The following THAP12 variants were observed in gnomAD, a reference collection of about 807,000 sequenced individuals.
The protein encoded by THAP12 is THAP domain containing 12.
A neutral mutation model predicts 63.0 loss-of-function variants in THAP12; 20 were observed. The ratio of observed to expected loss-of-function variants is 0.32; its 90% CI spans 0.22 to 0.46. The LOEUF (loss-of-function observed/expected upper bound fraction) is 0.46. Ranked by LOEUF, THAP12 falls within the 20% of genes least tolerant of loss-of-function variation. The probability of loss-of-function intolerance (pLI) is 1.00; values close to 1 mark genes in which losing one functional copy is unlikely to be tolerated. For synonymous variants in THAP12, 264 were observed against 328.4 expected (o/e 0.80, Z 2.12); for missense variants, 568 against 908.2 (o/e 0.63, Z 4.81).
At chr11:76,372,001 T>C (rs565671855) in intron 1 of THAP12, among the ~76,000 whole-genome samples, 1 of 151,974 alleles carries the variant, frequency 6.6e-6, no homozygotes, top group South Asian at 2.1e-4. Flanking sequence ...TTAGTAGAGA[T>C]GGGGTTTCGC....
chr11:76,366,946 T>A (rs941343094), intron 1 of THAP12, among the ~76,000 whole-genome samples: 4 of 152,158 alleles, frequency 2.6e-5, no homozygotes, highest in Non-Finnish European at 4.4e-5. Flanking sequence ...AAGCACTTAT[T>A]ATGAGCCAGA....
chr11:76,380,786 G>T lies in THAP12; in HGVS notation c.51C>A (p.Ser17=). 6.8e-7 allele frequency: 1 copy of T among 1,467,780 alleles called. No homozygotes were observed. 90.9% of individuals were successfully genotyped at this position (1,467,780 alleles called of 1,614,324 possible). A position where few individuals can be genotyped will look rare whatever the true frequency, so the allele number is the denominator to read the frequency against. ...GCGGGAACCTGAAGAAGGCCAAGTC[G>T]GACTGCGTGCTCTTCCGCGTGCAGT... ...APNCTRKSTQ[S]DLAFFRFPRD... Residue 17 remains serine, a synonymous_variant, in exon 1 of 5, where the codon TCC becomes TCA. Transcript: ENST00000260045.
chr11:76,379,641 A>G (rs1946736348), intron 1 of THAP12, among the ~76,000 whole-genome samples: 1 of 152,192 alleles, frequency 6.6e-6, no homozygotes, highest in African/African-American at 2.4e-5. Flanking sequence ...CACTGTATTT[A>G]AAATAGCAAT....
In THAP12 at chr11:76,351,468, T is replaced by G; in HGVS notation, c.1682A>C (p.Gln561Pro). The change falls in exon 5 of 5, where the codon CAG (glutamine) becomes CCG (proline). Residue 561 changes from glutamine to proline, a missense_variant. Gln to Pro is a moderately conservative substitution (Grantham distance 76, BLOSUM62 -1). Coordinates refer to ENST00000260045, the MANE Select transcript of THAP12 (RefSeq NM_004705.4). Reference sequence around the variant, plus strand: ...GGTTAGCTGAGATTCCAAGTTACCCTGGTGAGCTCTGCGGAATTTCCCAGG... The same window carrying G: ...GGTTAGCTGAGATTCCAAGTTACCCGGGTGAGCTCTGCGGAATTTCCCAGG... Reference protein sequence around the residue: ...KLPGKFRRAHQGNLESQLTSE... With the variant: ...KLPGKFRRAHPGNLESQLTSE... The G allele has an allele frequency of 6.3e-7, 1 of 1,588,380 alleles. No homozygotes were observed.
chr11:76,363,293 TC>T (rs1310598187), intron 2 of THAP12, among the ~76,000 whole-genome samples: 1 of 152,156 alleles, frequency 6.6e-6, no homozygotes, highest in Admixed American at 6.5e-5. Flanking sequence ...AAAAGAATAA[TC>T]TTACTCTAGC....
At chr11:76,360,211 T>TAG (rs1946589320) in intron 3 of THAP12, among the ~76,000 whole-genome samples, 6 of 152,190 alleles carry the variant, frequency 3.9e-5, no homozygotes, top group Non-Finnish European at 8.8e-5. Context: ...AGATAAATGC[T>TAG]ATCTTTAAAA....
chr11:76,379,628 A>C (rs1056494589), intron 1 of THAP12, among the ~76,000 whole-genome samples: 1 of 152,130 alleles, frequency 6.6e-6, no homozygotes, highest in African/African-American at 2.4e-5. Flanking sequence ...GGCCTTCTCT[A>C]ATCACTGTAT....
intron 1 of THAP12, among the ~76,000 whole-genome samples, chr11:76,367,730 T>C (rs1946641641): frequency 6.6e-6 from 1 of 152,198 alleles, no homozygotes; most frequent in African/African-American, 2.4e-5. Flanking sequence ...GCCCAACATA[T>C]TCCTTTATAA....
At chr11:76,353,476 T>C (rs1296551302) in intron 4 of THAP12, among the ~76,000 whole-genome samples, 1 of 152,240 alleles carries the variant, frequency 6.6e-6, no homozygotes, top group Non-Finnish European at 1.5e-5. Context: ...CAAACCATTA[T>C]GCCACACATT....
At chr11:76,356,668 T>A (rs965956962) in intron 3 of THAP12, 3 of 152,234 alleles carry the variant, frequency 2.0e-5, no homozygotes, top group African/African-American at 7.2e-5. Context: ...GCATAACTAT[T>A]TACATAGCAT....
At chr11:76,377,418 C>A (rs944044614) in intron 1 of THAP12, among the ~76,000 whole-genome samples, 1 of 152,210 alleles carries the variant, frequency 6.6e-6, no homozygotes, top group African/African-American at 2.4e-5. Context: ...CTCCCTTTCG[C>A]CCAGCCCCAG....
chr11:76,363,589 T>TTTTGTTTG (rs59063258), intron 2 of THAP12, among the ~76,000 whole-genome samples: 52,400 of 151,530 alleles, frequency 0.35, 9,494 homozygotes, highest in Non-Finnish European at 0.41. Context: ...ATCCAGGGGT[T>TTTTGTTTG]TTTGTTTGTT....
chr11:76,354,626 T>G (rs941672933), intron 4 of THAP12, among the ~76,000 whole-genome samples: 1 of 152,202 alleles, frequency 6.6e-6, no homozygotes, highest in Non-Finnish European at 1.5e-5. Context: ...CAACTTTTAT[T>G]TGGTCAGTTG....
chr11:76,378,851 C>T (rs1469505545), intron 1 of THAP12, among the ~76,000 whole-genome samples: 1 of 151,998 alleles, frequency 6.6e-6, no homozygotes, highest in African/African-American at 2.4e-5. Flanking sequence ...TCAAGTGATC[C>T]GCCTGCTTAG....
At chr11:76,368,822 A>G (rs1946649868) in intron 1 of THAP12, among the ~76,000 whole-genome samples, 2 of 152,266 alleles carry the variant, frequency 1.3e-5, no homozygotes, top group Admixed American at 6.5e-5. Context: ...CTAAAAGATA[A>G]CACAGGAGAT....
chr11:76,369,809 G>C (rs1479786318), intron 1 of THAP12, among the ~76,000 whole-genome samples: 1 of 152,248 alleles, frequency 6.6e-6, no homozygotes, highest in East Asian at 1.9e-4. Context: ...GGAAAAACGG[G>C]CTCTGGGTGA....
intron 1 of THAP12, among the ~76,000 whole-genome samples, chr11:76,375,481 G>T (rs1053525633): frequency 1.3e-5 from 2 of 150,318 alleles, no homozygotes; most frequent in African/African-American, 4.9e-5. Flanking sequence ...TTAATGCCAC[G>T]TTTTCTAAAA....
At chr11:76,366,026 A>G in intron 1 of THAP12, 54 bp from the exon 2 acceptor site, 1 of 1,585,152 alleles carries the variant, frequency 6.3e-7, no homozygotes, top group Non-Finnish European at 8.6e-7. Context: ...TTTAAATTTC[A>G]GCCTTCAGTT....
chr11:76,371,175 G>A (rs761191755), intron 1 of THAP12, among the ~76,000 whole-genome samples: 1 of 151,962 alleles, frequency 6.6e-6, no homozygotes, highest in Non-Finnish European at 1.5e-5. Context: ...CCCCTTCTCC[G>A]TGCTGCAGAG....
Sources: gnomAD v4.1 joint callset for allele counts (sites outside exome capture counted in the v4.1 genomes callset) on GRCh38, gnomAD v4.1.1 for gene constraint, MANE v1.5 for transcripts, NCBI Gene and HGNC (gene_info 2026-07-23, HGNC 2026-07-21) for gene names.